The following LRBA variants were observed in gnomAD, a reference collection of about 807,000 sequenced individuals.
LRBA encodes LPS responsive beige-like anchor protein.
LRBA carries 176 observed loss-of-function variants against 330.0 expected under a neutral mutation model. The ratio of observed to expected loss-of-function variants is 0.53; its 90% CI spans 0.47 to 0.60. The LOEUF is 0.60. Ranked by LOEUF, LRBA falls within the 20% of genes least tolerant of loss-of-function variation. LRBA has a pLI of 0.00. For missense variants in LRBA, 3,259 were observed against 3,444.8 expected (o/e 0.95, Z 1.35); for synonymous variants, 1,230 against 1,193.0 (o/e 1.03, Z -0.64).
At chr4:150,637,335 T>A (rs1561453412) in intron 37 of LRBA, among the ~76,000 whole-genome samples, 1 of 152,168 alleles carries the variant, frequency 6.6e-6, no homozygotes, top group Admixed American at 6.5e-5. Context: ...AATTACTGTA[T>A]CTTTAAGTTT....
In LRBA at chr4:150,973,492, T is replaced by C. The variant is rs145359307; in HGVS notation, c.216+40935A>G. ...TAAAATTAAAATTTTTTAAATGATA[T>C]TAATCAGTCTAGTTATCAAGTCCAA... On this transcript the variant is annotated intron_variant, in intron 2 of 56. Coordinates refer to ENST00000651943, the MANE Select transcript of LRBA (RefSeq NM_001364905.1). Among the ~76,000 whole-genome samples the C allele has an allele frequency of 3.6e-3, 541 of 152,256 alleles. 1 individual carries two copies. The highest frequency in any genetic ancestry group is 0.01 in the Middle Eastern group (3 of 294).
intron 28 of LRBA, among the ~76,000 whole-genome samples, chr4:150,839,258 G>A (rs1018085213): frequency 2.0e-5 from 3 of 152,148 alleles, no homozygotes; most frequent in Non-Finnish European, 2.9e-5. Context: ...GAGAGGATGT[G>A]GAGAAAAAGG....
intron 40 of LRBA, among the ~76,000 whole-genome samples, chr4:150,510,780 C>T (rs1761738490): frequency 6.6e-6 from 1 of 152,120 alleles, no homozygotes; most frequent in African/African-American, 2.4e-5. Flanking sequence ...ACCCCTATAT[C>T]CAATCACCTA....
At chr4:150,397,455 T>C (rs1744885465) in intron 47 of LRBA, among the ~76,000 whole-genome samples, 1 of 152,000 alleles carries the variant, frequency 6.6e-6, no homozygotes. Flanking sequence ...TATTTTTACT[T>C]TTTGTAGAGA....
At chr4:150,928,047 G>A (rs1333449282) in intron 4 of LRBA, among the ~76,000 whole-genome samples, 1 of 152,106 alleles carries the variant, frequency 6.6e-6, no homozygotes, top group African/African-American at 2.4e-5. Context: ...GGCACCTGGG[G>A]TTCAAAATAA....
intron 36 of LRBA, among the ~76,000 whole-genome samples, chr4:150,715,587 A>G (rs1582129194): frequency 2.0e-5 from 3 of 152,238 alleles, no homozygotes; most frequent in Admixed American, 2.0e-4. Flanking sequence ...CTTATAAAAT[A>G]CCACATCAGG....
At chr4:150,401,153 C>G (rs529660662) in intron 47 of LRBA, among the ~76,000 whole-genome samples, 8 of 152,238 alleles carry the variant, frequency 5.3e-5, no homozygotes, top group Non-Finnish European at 8.8e-5. Context: ...ATTGAAGGAC[C>G]TATCAGAAGC....
chr4:150,876,723 C>A (rs886945414), intron 17 of LRBA, among the ~76,000 whole-genome samples: 5 of 152,086 alleles, frequency 3.3e-5, no homozygotes, highest in African/African-American at 1.2e-4. Context: ...GTTCTAAACA[C>A]GGAAATGTAA....
At chr4:150,723,521 G>C (rs1430089035) in intron 36 of LRBA, among the ~76,000 whole-genome samples, 1 of 152,134 alleles carries the variant, frequency 6.6e-6, no homozygotes, top group Non-Finnish European at 1.5e-5. Context: ...ATCACCTGCA[G>C]ATTAAAGAAC....
intron 4 of LRBA, among the ~76,000 whole-genome samples, chr4:150,924,150 A>C (rs1733620875): frequency 6.6e-6 from 1 of 152,232 alleles, no homozygotes; most frequent in South Asian, 2.1e-4. Flanking sequence ...AGAATACATT[A>C]AGATAAGCAC....
intron 35 of LRBA, among the ~76,000 whole-genome samples, chr4:150,754,846 T>C (rs1249665820): frequency 6.6e-6 from 1 of 152,212 alleles, no homozygotes; most frequent in Non-Finnish European, 1.5e-5. Flanking sequence ...AAAAAGCACA[T>C]GGCTCTTTAA....
chr4:150,678,103 A>T (rs944824684), intron 37 of LRBA, among the ~76,000 whole-genome samples: 1 of 151,876 alleles, frequency 6.6e-6, no homozygotes, highest in East Asian at 1.9e-4. Flanking sequence ...TCAGCTTAGC[A>T]TGGGGCACAC....
intron 22 of LRBA, among the ~76,000 whole-genome samples, chr4:150,862,404 T>C (rs1162296987): frequency 1.3e-5 from 2 of 152,032 alleles, no homozygotes; most frequent in Non-Finnish European, 2.9e-5. Context: ...CTGGAAACCA[T>C]CATTCTCAGC....
At chr4:150,876,327 A>G (rs1435097872) in intron 17 of LRBA, among the ~76,000 whole-genome samples, 1 of 152,224 alleles carries the variant, frequency 6.6e-6, no homozygotes, top group Non-Finnish European at 1.5e-5. Context: ...TCAAGTTGCT[A>G]GAGATATAGA....
At chr4:150,359,278 G>A (rs897565505) in intron 47 of LRBA, among the ~76,000 whole-genome samples, 1 of 152,138 alleles carries the variant, frequency 6.6e-6, no homozygotes, top group Non-Finnish European at 1.5e-5. Context: ...TATTGGTCTT[G>A]TGCTAGACTC....
At chr4:150,472,228 G>C (rs1756217592) in intron 42 of LRBA, among the ~76,000 whole-genome samples, 2 of 152,012 alleles carry the variant, frequency 1.3e-5, no homozygotes, top group Admixed American at 1.3e-4. Flanking sequence ...ATGGGGTAAA[G>C]AGAAATTTTT....
intron 37 of LRBA, among the ~76,000 whole-genome samples, chr4:150,648,255 CATA>C (rs1779391028): frequency 1.4e-5 from 2 of 147,428 alleles, no homozygotes; most frequent in South Asian, 4.3e-4. Context: ...AAACAAATAT[CATA>C]AATAAACAAA....
At chr4:151,002,747 C>G (rs1379210375) in intron 2 of LRBA, among the ~76,000 whole-genome samples, 1 of 151,362 alleles carries the variant, frequency 6.6e-6, no homozygotes, top group African/African-American at 2.4e-5. Context: ...TGCAGTGGCT[C>G]AAGTCTATAA....
At chr4:150,808,948 AC>A (rs1401783699) in intron 31 of LRBA, among the ~76,000 whole-genome samples, 1 of 152,182 alleles carries the variant, frequency 6.6e-6, no homozygotes, top group African/African-American at 2.4e-5. Flanking sequence ...ATACAAAAAC[AC>A]TATGCTTTAA....
Sources: gnomAD v4.1 joint callset for allele counts (sites outside exome capture counted in the v4.1 genomes callset) on GRCh38, gnomAD v4.1.1 for gene constraint, MANE v1.5 for transcripts, NCBI Gene and HGNC (gene_info 2026-07-23, HGNC 2026-07-21) for gene names.